The following IQGAP2 variants were observed in gnomAD, a reference collection of about 807,000 sequenced individuals.
IQGAP2 encodes IQ motif containing GTPase activating protein 2, also known as ras GTPase-activating-like protein IQGAP2.
In IQGAP2, 173 loss-of-function variants were observed where a neutral mutation model predicts 201.3. The ratio of observed to expected loss-of-function variants is 0.86; its 90% CI spans 0.76 to 0.98. The LOEUF is 0.98. Among genes scored for constraint, IQGAP2 ranks in the 50% least tolerant of loss-of-function variants. IQGAP2 has a pLI of 0.00. For missense variants in IQGAP2, 1,687 were observed against 1,864.8 expected (o/e 0.90, Z 1.76); for synonymous variants, 675 against 673.9 (o/e 1.00, Z -0.03).
In IQGAP2 at chr5:76,671,906, G is replaced by A. The variant is rs144328533; in HGVS notation, c.2991G>A (p.Ser997=). Residue 997 remains serine (S), a synonymous_variant, in exon 24 of 36, where the codon TCG becomes TCA. Transcript: ENST00000274364. The part of the protein sequence containing the change: ...PVVKEIIDDK[S]LIINTNPVEV... The stretch of plus-strand genomic sequence containing the variant: ...TAAAAGAGATCATCGACGACAAGTC[G>A]CTGATTATCAACACAAACCCTGTAG... 75 of 1,614,092 alleles carry A rather than the reference G, an allele frequency of 4.6e-5. No individual in the cohort carries two copies. In the African/African-American group the frequency reaches 7.3e-4, roughly 16 times the overall value.
At chr5:76,652,152 A>G (rs1309498658) in intron 17 of IQGAP2, among the ~76,000 whole-genome samples, 1 of 152,224 alleles carries the variant, frequency 6.6e-6, no homozygotes, top group African/African-American at 2.4e-5. Context: ...GTTTCCTGTA[A>G]AAATTATTCT....
chr5:76,452,248 T>A (rs966967241), intron 1 of IQGAP2, among the ~76,000 whole-genome samples: 8 of 151,068 alleles, frequency 5.3e-5, no homozygotes, highest in Non-Finnish European at 8.9e-5. Context: ...TTTTTTTGTT[T>A]GTTTTTATTA....
At chr5:76,610,624 A>C (rs924891558) in intron 12 of IQGAP2, among the ~76,000 whole-genome samples, 1 of 151,770 alleles carries the variant, frequency 6.6e-6, no homozygotes, top group African/African-American at 2.4e-5. Flanking sequence ...GTTGCATTGA[A>C]TCTGTAGGTC....
chr5:76,450,295 C>T (rs1424732980), intron 1 of IQGAP2, among the ~76,000 whole-genome samples: 1 of 152,168 alleles, frequency 6.6e-6, no homozygotes, highest in African/African-American at 2.4e-5. Flanking sequence ...CTTCCCACAT[C>T]AGCCATTCCG....
intron 22 of IQGAP2, among the ~76,000 whole-genome samples, chr5:76,667,324 ATAAAG>A (rs1269297944): frequency 1.4e-4 from 22 of 152,240 alleles, no homozygotes. Context: ...AACCTAAGTG[ATAAAG>A]TAAACCAGAA....
rs1748484621 is a variant in IQGAP2 at position 76,612,395 on chromosome 5, T to C, written c.1521+1212T>C. Among the ~76,000 whole-genome samples, 2 of 151,590 alleles carry C rather than the reference T, an allele frequency of 1.3e-5. 1 individual carries two copies. The highest frequency in any genetic ancestry group is 4.2e-4 in the South Asian group (2 of 4,778). On this transcript the variant is annotated intron_variant, in intron 13 of 35. Coordinates refer to ENST00000274364, the MANE Select transcript of IQGAP2 (RefSeq NM_006633.5). ...CCTATAATCCCAGCTACTTGGGAGG[T>C]TGAGGGACAAGAATCTCTTGAACCG...
chr5:76,460,485 G>A lies in IQGAP2; in HGVS notation c.47-1085G>A, dbSNP rs144138273. Reference sequence around the variant, plus strand: ...TGAGAGGGGAAGTAATAAGGAAGACGCTTCTGTTGGCCATGGGGAGAATGA... The same window carrying A: ...TGAGAGGGGAAGTAATAAGGAAGACACTTCTGTTGGCCATGGGGAGAATGA... On this transcript the variant is annotated intron_variant, in intron 1 of 35. Coordinates refer to ENST00000274364, the MANE Select transcript of IQGAP2 (RefSeq NM_006633.5). 9.7e-3 allele frequency among the ~76,000 whole-genome samples: 1,470 copies of A among 152,154 alleles called. 23 individuals are homozygous for A. Among genetic ancestry groups the A allele is most frequent in the African/African-American group, 0.034 (1,411 of 41,478 alleles).
chr5:76,492,871 T>A (rs1393465857), intron 2 of IQGAP2, among the ~76,000 whole-genome samples: 2 of 152,088 alleles, frequency 1.3e-5, no homozygotes, highest in Non-Finnish European at 2.9e-5. Context: ...GAAAACAAAA[T>A]CACCTTAGTT....
At chr5:76,691,292 T>C (rs1746243654) in intron 30 of IQGAP2, 1 of 152,198 alleles carries the variant, frequency 6.6e-6, no homozygotes. Flanking sequence ...AAATAAACAT[T>C]CTTTGTCTTT....
chr5:76,619,914 A>G (rs542464615), intron 13 of IQGAP2, among the ~76,000 whole-genome samples: 9 of 152,276 alleles, frequency 5.9e-5, no homozygotes, highest in Middle Eastern at 3.4e-3. Flanking sequence ...GGGTTGTCAA[A>G]GTCAGAGATT....
intron 23 of IQGAP2, 71 bp from the exon 24 acceptor site, chr5:76,671,688 G>C (rs1252658645): frequency 1.1e-5 from 11 of 989,426 alleles, no homozygotes; most frequent in Admixed American, 5.1e-5. Context: ...ACTGTCTCGG[G>C]GAAAAAAAAA....
chr5:76,439,661 A>G (rs1752919726), intron 1 of IQGAP2, among the ~76,000 whole-genome samples: 1 of 152,090 alleles, frequency 6.6e-6, no homozygotes, highest in African/African-American at 2.4e-5. Context: ...TGATATAAGA[A>G]TAGCTACTCT....
intron 14 of IQGAP2, among the ~76,000 whole-genome samples, chr5:76,631,545 T>C (rs1750702957): frequency 6.6e-6 from 1 of 152,202 alleles, no homozygotes; most frequent in African/African-American, 2.4e-5. Flanking sequence ...TACAGCTACA[T>C]ATCTATGTTC....
chr5:76,466,685 C>T (rs914441735), intron 2 of IQGAP2, among the ~76,000 whole-genome samples: 2 of 152,060 alleles, frequency 1.3e-5, no homozygotes, highest in African/African-American at 2.4e-5. Context: ...TGCCTCACAC[C>T]GTATACAAAC....
In IQGAP2 at chr5:76,464,015, T is replaced by G. The variant is rs371285497; in HGVS notation, c.146+2346T>G. On this transcript the variant is annotated intron_variant, in intron 2 of 35. Transcript: ENST00000274364. ...GGCGCTCACCACTACACCTGGCTAATTTTTGTATTTTTAGTAGAGATGGAG... is the reference window on the plus strand; with the variant it reads ...GGCGCTCACCACTACACCTGGCTAAGTTTTGTATTTTTAGTAGAGATGGAG... Among the ~76,000 whole-genome samples the G allele has an allele frequency of 3.3e-5, 5 of 152,058 alleles. No individual in the cohort carries two copies. In the East Asian group the frequency reaches 9.7e-4, roughly 29 times the overall value.
chr5:76,654,070 C>G (rs1752718070), intron 18 of IQGAP2, 130 bp from the exon 19 acceptor site: 1 of 594,876 alleles, frequency 1.7e-6, no homozygotes, highest in Non-Finnish European at 2.9e-6. Context: ...CAGTGGGCTG[C>G]TTTTTTTCTT....
intron 2 of IQGAP2, among the ~76,000 whole-genome samples, chr5:76,533,535 T>C (rs1234758680): frequency 9.0e-6 from 1 of 111,352 alleles, no homozygotes; most frequent in East Asian, 3.3e-4. Flanking sequence ...TATTTATATA[T>C]ATATATTTTT....
At chr5:76,706,761 T>C (rs1391856095) in intron 35 of IQGAP2, among the ~76,000 whole-genome samples, 1 of 152,244 alleles carries the variant, frequency 6.6e-6, no homozygotes, top group Non-Finnish European at 1.5e-5. Flanking sequence ...ATCATTTACT[T>C]TCATACAGCC....
chr5:76,543,333 G>A (rs1742898117), intron 2 of IQGAP2, among the ~76,000 whole-genome samples: 1 of 152,166 alleles, frequency 6.6e-6, no homozygotes, highest in Admixed American at 6.6e-5. Context: ...CCGTCTCTCT[G>A]TGTGGTCGCT....
Sources: allele counts gnomAD v4.1 joint callset (sites outside exome capture counted in the v4.1 genomes callset), GRCh38; gene constraint gnomAD v4.1.1; transcripts MANE v1.5; gene names NCBI Gene and HGNC (gene_info 2026-07-23, HGNC 2026-07-21).